IGSF5: variants seen among roughly 807,000 people sequenced by gnomAD.
IGSF5 encodes the protein immunoglobulin superfamily member 5, also known as immunoglobulin superfamily 5 like.
Under a neutral mutation model 39.4 loss-of-function variants are expected in IGSF5, and 41 were observed. The ratio of observed to expected loss-of-function variants is 1.04; its 90% CI spans 0.81 to 1.35. IGSF5 has a LOEUF of 1.35. Ranked by LOEUF, IGSF5 falls within the 40% of genes most tolerant of loss-of-function variation. The pLI is 0.00. For synonymous variants in IGSF5, 183 were observed against 175.3 expected (o/e 1.04, Z -0.34); for missense variants, 487 against 494.6 (o/e 0.98, Z 0.15).
At chr21:39,726,021 G>A in the IGSF5 span, 1 of 152,214 alleles carries the variant, frequency 6.6e-6, no homozygotes, top group South Asian at 2.1e-4. Flanking sequence ...GAGAGTGGTT[G>A]ATGTGTGAAG....
At chr21:39,796,509 G>A (rs1244004662) in intron 8 of IGSF5, among the ~76,000 whole-genome samples, 2 of 152,214 alleles carry the variant, frequency 1.3e-5, no homozygotes, top group African/African-American at 4.8e-5. Context: ...AGGAGAGACA[G>A]CTGAGAGCTA....
intron 8 of IGSF5, 125 bp downstream of exon 8, chr21:39,793,738 C>G (rs1306625568): frequency 2.0e-5 from 15 of 757,376 alleles, no homozygotes; most frequent in Admixed American, 1.7e-4. Context: ...GCCTTTCCTC[C>G]CCTCCATATC....
intron 6 of IGSF5, among the ~76,000 whole-genome samples, chr21:39,788,404 C>A (rs190442016): frequency 6.6e-6 from 1 of 152,202 alleles, no homozygotes; most frequent in African/African-American, 2.4e-5. Context: ...GTTGCCACTG[C>A]CTACCTTTGA....
At chr21:39,774,929 A>T (rs774771413) in intron 4 of IGSF5, among the ~76,000 whole-genome samples, 5 of 152,266 alleles carry the variant, frequency 3.3e-5, no homozygotes, top group Non-Finnish European at 7.4e-5. Flanking sequence ...CAGTTTTCTC[A>T]CCTGTAAAGT....
chr21:39,748,544 C>G (rs1183209811), intron 2 of IGSF5, among the ~76,000 whole-genome samples: 1 of 151,906 alleles, frequency 6.6e-6, no homozygotes, highest in Non-Finnish European at 1.5e-5. Flanking sequence ...CTCCTGACCT[C>G]ATGATCTGCC....
chr21:39,743,609 CT>C (rs912197184), upstream of IGSF5, among the ~76,000 whole-genome samples: 2 of 121,370 alleles, frequency 1.6e-5, no homozygotes, highest in African/African-American at 5.8e-5. Flanking sequence ...AGAGGGGGTT[CT>C]TATTAGTTGG....
chr21:39,727,140 C>T, the IGSF5 span, among the ~76,000 whole-genome samples: 11 of 152,212 alleles, frequency 7.2e-5, no homozygotes, highest in African/African-American at 1.2e-4. Context: ...GGTTGCTTTC[C>T]GTGTAACTCC....
the IGSF5 span, among the ~76,000 whole-genome samples, chr21:39,739,038 G>A: frequency 2.1e-4 from 32 of 151,900 alleles, no homozygotes; most frequent in Non-Finnish European, 4.0e-4. Flanking sequence ...ACAGGAGCCC[G>A]CCACCACGCC....
Position 39,792,213 on chromosome 21 carries a change from T to G in IGSF5, c.1048+114T>G, listed in dbSNP as rs1244843593. On this transcript the variant is annotated intron_variant, in intron 7 of 8. Transcript: ENST00000380588. The stretch of plus-strand genomic sequence containing the variant: ...GCTAACTTGGCAATGGTGGTTATTA[T>G]TTTTTGGATAAATTTTAGAAGAAGA... 8.0e-6 allele frequency: 5 copies of G among 628,506 alleles called. No homozygotes were observed. The African/African-American group carries it at 9.2e-5, about 12-fold the overall frequency. 38.9% of individuals were successfully genotyped at this position (628,506 alleles called of 1,614,324 possible).
the IGSF5 span, among the ~76,000 whole-genome samples, chr21:39,722,040 G>C: frequency 6.6e-6 from 1 of 152,214 alleles, no homozygotes; most frequent in Non-Finnish European, 1.5e-5. Flanking sequence ...GAGTAGGCAT[G>C]ACTCTGTCTG....
chr21:39,747,050 C>T (rs1425048090), intron 2 of IGSF5, among the ~76,000 whole-genome samples: 1 of 152,186 alleles, frequency 6.6e-6, no homozygotes, highest in African/African-American at 2.4e-5. Context: ...ATAGCCACTG[C>T]ATAAAATTAG....
the IGSF5 span, among the ~76,000 whole-genome samples, chr21:39,733,001 A>G: frequency 8.3e-3 from 1,269 of 152,178 alleles, 16 homozygotes; most frequent in African/African-American, 0.029. Flanking sequence ...ACTCTAGCCT[A>G]GGTGACAGAG....
At chr21:39,745,745 C>A (rs1161840482) in intron 1 of IGSF5, among the ~76,000 whole-genome samples, 7 of 152,192 alleles carry the variant, frequency 4.6e-5, no homozygotes, top group African/African-American at 1.7e-4. Context: ...CCCAGATAGC[C>A]TCACACCTGA....
chr21:39,727,476 T>C, the IGSF5 span, among the ~76,000 whole-genome samples: 1 of 152,182 alleles, frequency 6.6e-6, no homozygotes, highest in African/African-American at 2.4e-5. Flanking sequence ...GGGATAATGA[T>C]GACTGGGCAG....
intron 4 of IGSF5, among the ~76,000 whole-genome samples, chr21:39,777,820 A>C (rs962569092): frequency 6.6e-6 from 1 of 152,152 alleles, no homozygotes; most frequent in Non-Finnish European, 1.5e-5. Context: ...CAGGAATAGC[A>C]AACTACTATT....
At chr21:39,792,157 C>A in intron 7 of IGSF5, 58 bp downstream of exon 7, 2 of 1,208,652 alleles carry the variant, frequency 1.7e-6, no homozygotes, top group East Asian at 2.4e-5. Flanking sequence ...GGAAGAAGGG[C>A]TGGCTTGCTA....
chr21:39,781,666 C>G (rs577169656), intron 5 of IGSF5, among the ~76,000 whole-genome samples: 4 of 152,276 alleles, frequency 2.6e-5, no homozygotes, highest in African/African-American at 9.6e-5. Flanking sequence ...TTATGCCAAC[C>G]TGGAAAGTAA....
the IGSF5 span, among the ~76,000 whole-genome samples, chr21:39,733,125 A>C: frequency 6.6e-6 from 1 of 152,184 alleles, no homozygotes; most frequent in Admixed American, 6.5e-5. Context: ...AAAGAAAACA[A>C]TAACCCTCTA....
At chr21:39,775,865 C>T (rs939345791) in intron 4 of IGSF5, among the ~76,000 whole-genome samples, 3 of 152,176 alleles carry the variant, frequency 2.0e-5, no homozygotes, top group African/African-American at 7.2e-5. Context: ...TTATGTCATA[C>T]CTGGGCCATA....
Sources: gnomAD v4.1 joint callset for allele counts (sites outside exome capture counted in the v4.1 genomes callset) on GRCh38, gnomAD v4.1.1 for gene constraint, MANE v1.5 for transcripts, NCBI Gene and HGNC (gene_info 2026-07-23, HGNC 2026-07-21) for gene names.